Variants in RNLS observed in about 807,000 individuals in gnomAD.
The protein encoded by RNLS is renalase, FAD dependent amine oxidase.
Under a neutral mutation model 39.8 loss-of-function variants are expected in RNLS, and 39 were observed. The ratio of observed to expected loss-of-function variants is 0.98; its 90% confidence interval spans 0.76 to 1.28. The LOEUF (loss-of-function observed/expected upper bound fraction) is 1.28. RNLS is among the 50% of genes most tolerant of loss of function. The pLI, the probability that RNLS is intolerant of heterozygous loss-of-function variation, is 0.00. For synonymous variants in RNLS, 147 were observed against 150.7 expected (o/e 0.98, Z 0.18); for missense variants, 410 against 413.3 (o/e 0.99, Z 0.07).
Position 88,581,607 on chromosome 10 carries a change from T to C in RNLS, c.327A>G (p.Gln109=). The part of the protein sequence containing the change: ...KEGDCNFVAP[Q]GISSIIKHYL... Reference sequence around the variant, plus strand: ...AATGCTTAATAATTGAAGAAATTCCTTGAGGTGCCACAAAGTTACAGTCTC... The same window carrying C: ...AATGCTTAATAATTGAAGAAATTCCCTGAGGTGCCACAAAGTTACAGTCTC... The change falls in exon 3 of 7, where the codon CAA becomes CAG. Residue 109 remains glutamine, a synonymous_variant. Coordinates refer to ENST00000331772, the MANE Select transcript of RNLS (RefSeq NM_001031709.3). 2 of 1,608,094 alleles carry C rather than the reference T, an allele frequency of 1.2e-6. No individual in the cohort carries two copies. The highest frequency in any genetic ancestry group is 8.5e-7 in the Non-Finnish European group (1 of 1,177,318).
At chr10:88,241,641 G>T in the RNLS span, among the ~76,000 whole-genome samples, 1 of 152,094 alleles carries the variant, frequency 6.6e-6, no homozygotes, top group Non-Finnish European at 1.5e-5. Flanking sequence ...CACCACAAGA[G>T]TAATTTTTTG....
At chr10:88,564,514 G>C (rs1421937894) in intron 4 of RNLS, among the ~76,000 whole-genome samples, 1 of 152,060 alleles carries the variant, frequency 6.6e-6, no homozygotes, top group African/African-American at 2.4e-5. Flanking sequence ...AATGTTTAAG[G>C]GTCAGGGGTT....
At chr10:88,373,006 G>C (rs943108333) in intron 4 of RNLS, among the ~76,000 whole-genome samples, 1 of 151,966 alleles carries the variant, frequency 6.6e-6, no homozygotes, top group African/African-American at 2.4e-5. Context: ...TATACAAAAT[G>C]TCACAGAATA....
chr10:88,437,615 T>C (rs965105613), intron 4 of RNLS, among the ~76,000 whole-genome samples: 1 of 152,180 alleles, frequency 6.6e-6, no homozygotes, highest in Non-Finnish European at 1.5e-5. Context: ...AAATAAAACA[T>C]TGATTCCATT....
chr10:88,519,722 A>C (rs548981332), intron 4 of RNLS, among the ~76,000 whole-genome samples: 2 of 142,154 alleles, frequency 1.4e-5, no homozygotes, highest in South Asian at 2.2e-4. Context: ...TCACATATAT[A>C]TGATATATAT....
the RNLS span, among the ~76,000 whole-genome samples, chr10:88,194,221 A>G: frequency 6.6e-6 from 1 of 152,162 alleles, no homozygotes; most frequent in Non-Finnish European, 1.5e-5. Flanking sequence ...GGAGGGGTGT[A>G]CTCTGCATGA....
chr10:88,232,007 C>T, the RNLS span, among the ~76,000 whole-genome samples: 1 of 149,168 alleles, frequency 6.7e-6, no homozygotes, highest in Non-Finnish European at 1.5e-5. Flanking sequence ...TATTCCAGTT[C>T]TTCAAAAGAT....
chr10:88,291,610 G>A (rs1333111977), intron 6 of RNLS, among the ~76,000 whole-genome samples: 1 of 152,114 alleles, frequency 6.6e-6, no homozygotes, highest in Non-Finnish European at 1.5e-5. Context: ...AATTGGAGTT[G>A]GCATTTGAGA....
chr10:88,379,400 A>T (rs950104314), intron 4 of RNLS, among the ~76,000 whole-genome samples: 4 of 148,512 alleles, frequency 2.7e-5, no homozygotes, highest in Non-Finnish European at 5.9e-5. Context: ...TTTTTATTTA[A>T]TAGGGAAAAA....
chr10:88,263,127 GTAA>G, the RNLS span, among the ~76,000 whole-genome samples: 3 of 151,928 alleles, frequency 2.0e-5, no homozygotes, highest in African/African-American at 7.3e-5. Context: ...AATAATAATA[GTAA>G]TAATAATGAT....
intron 4 of RNLS, among the ~76,000 whole-genome samples, chr10:88,521,498 G>C (rs1357699921): frequency 6.6e-6 from 1 of 151,944 alleles, no homozygotes; most frequent in Non-Finnish European, 1.5e-5. Context: ...TAATGAAGGA[G>C]GACACTAAGG....
chr10:88,391,760 T>C (rs538301697), intron 4 of RNLS, among the ~76,000 whole-genome samples: 1 of 152,268 alleles, frequency 6.6e-6, no homozygotes, highest in Non-Finnish European at 1.5e-5. Flanking sequence ...TTTTCAGAAC[T>C]CTGGAAATTA....
intron 6 of RNLS, among the ~76,000 whole-genome samples, chr10:88,290,713 C>A (rs568326444): frequency 6.6e-6 from 1 of 152,166 alleles, no homozygotes; most frequent in East Asian, 1.9e-4. Context: ...TGGACTTCTC[C>A]GAACCACTCT....
At position 88,284,292 on chromosome 10, in the gene RNLS, T is replaced by C. The variant is rs1432488570; in HGVS notation, c.*1062A>G. 1 of 985,262 alleles carries C rather than the reference T, an allele frequency of 1.0e-6. No individual in the cohort carries two copies. The highest frequency in any genetic ancestry group is 1.1e-4 in the East Asian group (1 of 8,824). 61.0% of individuals were successfully genotyped at this position (985,262 alleles called of 1,614,324 possible). On this transcript the variant is annotated 3_prime_UTR_variant, in exon 7 of 7. Transcript: ENST00000331772. Reference sequence around the variant, plus strand: ...CAGTAAGAAGTCTTTTGTTGAACTTTTGTTAGTTTGAGAGGCTGCAATGAT... The same window carrying C: ...CAGTAAGAAGTCTTTTGTTGAACTTCTGTTAGTTTGAGAGGCTGCAATGAT...
At chr10:88,563,714 T>G (rs1336030650) in intron 4 of RNLS, among the ~76,000 whole-genome samples, 1 of 152,158 alleles carries the variant, frequency 6.6e-6, no homozygotes, top group Non-Finnish European at 1.5e-5. Flanking sequence ...AGGTCACCAC[T>G]GAGAAAGCAG....
intron 4 of RNLS, among the ~76,000 whole-genome samples, chr10:88,517,132 C>A (rs1226596897): frequency 1.3e-5 from 2 of 151,904 alleles, no homozygotes; most frequent in East Asian, 1.9e-4. Context: ...AGAAAGATAA[C>A]CTTTGAAAGC....
intron 5 of RNLS, among the ~76,000 whole-genome samples, chr10:88,336,470 T>C (rs1847504844): frequency 6.6e-6 from 1 of 152,220 alleles, no homozygotes; most frequent in Non-Finnish European, 1.5e-5. Flanking sequence ...CTGATAGGCA[T>C]TTAGTTAAAT....
chr10:88,534,728 CA>C (rs1256050718), intron 4 of RNLS, among the ~76,000 whole-genome samples: 1 of 152,144 alleles, frequency 6.6e-6, no homozygotes, highest in Non-Finnish European at 1.5e-5. Flanking sequence ...GAATAAATCT[CA>C]ACTTGTATTC....
the RNLS span, among the ~76,000 whole-genome samples, chr10:88,172,839 G>GTTTTTTTTTTT: frequency 1.3e-4 from 4 of 31,502 alleles, no homozygotes; most frequent in Non-Finnish European, 2.0e-4. Flanking sequence ...TGCATTTTGA[G>GTTTTTTTTTTT]TTGTTTTTTT....
Sources: gnomAD v4.1 joint callset for allele counts (sites outside exome capture counted in the v4.1 genomes callset) on GRCh38, gnomAD v4.1.1 for gene constraint, MANE v1.5 for transcripts, NCBI Gene and HGNC (gene_info 2026-07-23, HGNC 2026-07-21) for gene names.